The following MSL1 variants were observed in gnomAD, a reference collection of about 807,000 sequenced individuals.
MSL1 encodes MSL complex subunit 1.
Under a neutral mutation model 64.6 loss-of-function variants are expected in MSL1, and 21 were observed. The ratio of observed to expected loss-of-function variants is 0.33; its 90% CI spans 0.23 to 0.47. MSL1 has a LOEUF of 0.47. Ranked by LOEUF, MSL1 falls within the 20% of genes least tolerant of loss-of-function variation. The pLI is 1.00. For missense variants in MSL1, 664 were observed against 793.2 expected (o/e 0.84, Z 1.96); for synonymous variants, 339 against 329.6 (o/e 1.03, Z -0.31).
Position 40,134,415 on chromosome 17 carries a change from TCCC to T in MSL1, c.*47_*49del. ...TCTTCAGATAGTTGTAGCATGCCAT[TCCC>T]GAGAGTGGCAGAGACCTGTATATGT... On this transcript the variant is annotated 3_prime_UTR_variant, in exon 9 of 9. Coordinates refer to ENST00000398532, the MANE Select transcript of MSL1 (RefSeq NM_001365919.1). 2 of 1,494,148 alleles carry T rather than the reference TCCC, an allele frequency of 1.3e-6. No homozygotes were observed. The highest frequency in any genetic ancestry group is 1.8e-6 in the Non-Finnish European group (2 of 1,094,392). 92.6% of individuals were successfully genotyped at this position (1,494,148 alleles called of 1,614,324 possible).
Position 40,129,238 on chromosome 17 carries a change from C to CT in MSL1, c.993-6dup. 6.5e-7 allele frequency: 1 copy of CT among 1,534,446 alleles called. No individual in the cohort carries two copies. Among genetic ancestry groups the CT allele is most frequent in the Non-Finnish European group, 8.7e-7 (1 of 1,145,218 alleles). Reference sequence around the variant, plus strand: ...AATTTTATAATGTTTTCTTCCCTATCTAATAGGAAATCCCCATTTGGAAGT... The same window carrying CT: ...AATTTTATAATGTTTTCTTCCCTATCTTAATAGGAAATCCCCATTTGGAAGT... On this transcript the variant is annotated splice_polypyrimidine_tract_variant and splice_region_variant and intron_variant, in intron 2 of 8. Coordinates refer to ENST00000398532, the MANE Select transcript of MSL1 (RefSeq NM_001365919.1).
In MSL1 at chr17:40,122,531, C is replaced by T. The variant is rs892853453; in HGVS notation, c.-82C>T. 64 of 875,064 alleles carry T rather than the reference C, an allele frequency of 7.3e-5. 1 individual carries two copies. The highest frequency in any genetic ancestry group is 2.1e-4 in the Admixed American group (5 of 23,598). The allele number at this position is 875,064 out of a possible 1,614,324, so 54.2% of individuals were successfully genotyped here. A position where few individuals can be genotyped will look rare whatever the true frequency, so the allele number is the denominator to read the frequency against. Reference sequence around the variant, plus strand: ...GCGAGCCCGCCAAACTCCCCTCCCCCCCCTCAGTCCTCGACCCCCCGCACC... The same window carrying T: ...GCGAGCCCGCCAAACTCCCCTCCCCTCCCTCAGTCCTCGACCCCCCGCACC... On this transcript the variant is annotated 5_prime_UTR_variant, in exon 1 of 9. Coordinates refer to ENST00000398532, the MANE Select transcript of MSL1 (RefSeq NM_001365919.1). This position sits in a 1 kb window ranked among gnomAD's most constrained non-coding sequence, Gnocchi z 4.2.
intron 7 of MSL1, 73 bp downstream of exon 7, chr17:40,133,731 G>A: frequency 1.2e-6 from 2 of 1,611,408 alleles, no homozygotes. Flanking sequence ...GGTACAACTT[G>A]CTCTGAATGA....
chr17:40,126,057 A>T, intron 1 of MSL1, 126 bp from the exon 2 acceptor site: 1 of 759,782 alleles, frequency 1.3e-6, no homozygotes, highest in Non-Finnish European at 2.2e-6. Flanking sequence ...CTGCCTATTT[A>T]AAAAGTTGAG....
In MSL1 at chr17:40,122,921, C is replaced by G. The variant is rs12773; in HGVS notation, c.309C>G (p.Pro103=). Residue 103 remains proline, a synonymous_variant, in exon 1 of 9, where the codon CCC becomes CCG. Transcript: ENST00000398532. This position sits in a 1 kb window ranked among gnomAD's most constrained non-coding sequence, Gnocchi z 4.2. ...GCTGGGGCGGTTCGGTGCCCTTGCC[C>G]TGTCCGCCCCCGGCCACCAAGCAAG... ...EESWGGSVPL[P]CPPPATKQAG... is the part of the protein sequence containing the mutation. The G allele has an allele frequency of 6.6e-7, 1 of 1,514,762 alleles. No homozygotes were observed. Among genetic ancestry groups the G allele is most frequent in the South Asian group, 1.2e-5 (1 of 82,202 alleles). The allele number at this position is 1,514,762 out of a possible 1,614,324, so 93.8% of individuals were successfully genotyped here.
At chr17:40,124,658 G>A (rs1988273842) in intron 1 of MSL1, 1 of 152,102 alleles carries the variant, frequency 6.6e-6, no homozygotes, top group African/African-American at 2.4e-5. Context: ...GGGGTGTGAT[G>A]GTACCGTAAT....
chr17:40,133,362 G>A (rs565798196), intron 6 of MSL1, 172 bp from the exon 7 acceptor site: 40 of 865,496 alleles, frequency 4.6e-5, no homozygotes, highest in South Asian at 7.4e-5. Context: ...TGATCTAAAC[G>A]GTAGACCTAA....
intron 1 of MSL1, chr17:40,124,804 A>G (rs1355850526): frequency 6.6e-6 from 1 of 152,128 alleles, no homozygotes; most frequent in Non-Finnish European, 1.5e-5. Flanking sequence ...ATGAAATGAG[A>G]GTATGGCTGA....
intron 3 of MSL1, chr17:40,129,903 T>A: frequency 7.9e-6 from 3 of 377,750 alleles, no homozygotes; most frequent in Non-Finnish European, 1.4e-5. Flanking sequence ...GGGGGTGTAA[T>A]CTCCGGCAAC....
intron 1 of MSL1, among the ~76,000 whole-genome samples, chr17:40,125,322 A>G (rs947792304): frequency 9.9e-5 from 15 of 152,216 alleles, no homozygotes; most frequent in African/African-American, 2.9e-4. Context: ...ACTGATTTCT[A>G]TTTTCCAAAT....
Position 40,132,103 on chromosome 17 carries a change from GT to G in MSL1, c.1488+6del. Reference sequence around the variant, plus strand: ...AATCCTTCAGACCTTTTGGAGGTAGGTAACCAAGAGCACTCAATTGAAGAGA... The same window carrying G: ...AATCCTTCAGACCTTTTGGAGGTAGGAACCAAGAGCACTCAATTGAAGAGA... On this transcript the variant is annotated splice_donor_region_variant and intron_variant, in intron 5 of 8. Coordinates refer to ENST00000398532, the MANE Select transcript of MSL1 (RefSeq NM_001365919.1). 6.3e-7 allele frequency: 1 copy of G among 1,591,768 alleles called. No homozygotes were observed. The highest frequency in any genetic ancestry group is 8.6e-7 in the Non-Finnish European group (1 of 1,165,398).
chr17:40,124,455 G>C (rs1214410435), intron 1 of MSL1: 1 of 151,826 alleles, frequency 6.6e-6, no homozygotes, highest in African/African-American at 2.4e-5. Context: ...GCTAAGAGCT[G>C]AGCAAGGGAG....
At position 40,131,780 on chromosome 17, in the gene MSL1, A is replaced by G. The variant is rs888650526; in HGVS notation, c.1423+196A>G. Reference sequence around the variant, plus strand: ...TCAGGAACTGCTATAGCATCATTATATGAATTGTCAGGTATTGGTTTAGGG... The same window carrying G: ...TCAGGAACTGCTATAGCATCATTATGTGAATTGTCAGGTATTGGTTTAGGG... On this transcript the variant is annotated intron_variant, in intron 4 of 8. Coordinates refer to ENST00000398532, the MANE Select transcript of MSL1 (RefSeq NM_001365919.1). The surrounding 1 kb of genome is among the most constrained non-coding windows in gnomAD (Gnocchi z 4.5). The G allele has an allele frequency of 3.1e-6, 2 of 640,674 alleles. No individual in the cohort carries two copies. The highest frequency in any genetic ancestry group is 3.7e-5 in the African/African-American group (2 of 54,770). 39.7% of individuals were successfully genotyped at this position (640,674 alleles called of 1,614,324 possible).
chr17:40,134,680 G>GT lies in MSL1; in HGVS notation c.*311_*312insT. The GT allele has an allele frequency of 3.2e-6, 1 of 310,522 alleles. No homozygotes were observed. The allele number at this position is 310,522 out of a possible 1,614,324, so 19.2% of individuals were successfully genotyped here. ...TCTATACATTTGCCTATGTTAAAGG[G>GT]GTAAAAGGGCTCTCTTCATTAGACA... On this transcript the variant is annotated 3_prime_UTR_variant, in exon 9 of 9. Coordinates refer to ENST00000398532, the MANE Select transcript of MSL1 (RefSeq NM_001365919.1).
In MSL1 at chr17:40,129,562, A is replaced by C; in HGVS notation, c.1310A>C (p.His437Pro). The C allele has an allele frequency of 1.2e-6, 2 of 1,613,726 alleles. No individual in the cohort carries two copies. Among genetic ancestry groups the C allele is most frequent in the Non-Finnish European group, 1.7e-6 (2 of 1,179,830 alleles). The change falls in exon 3 of 9, where the codon CAC (histidine) becomes CCC (proline). Residue 437 changes from histidine (H) to proline (P), a missense_variant. Transcript: ENST00000398532. ...ACAGAAATGTATTTGTGTCGTTGGC[A>C]CCAGCCTCCCCCATCACCGTTACCA... Reference protein sequence around the residue: ...STTEMYLCRWHQPPPSPLPLR... With the variant: ...STTEMYLCRWPQPPPSPLPLR...
intron 6 of MSL1, chr17:40,133,324 A>G (rs1988478271): frequency 1.5e-5 from 11 of 753,654 alleles, no homozygotes; most frequent in Admixed American, 5.9e-5. Context: ...ACCTTCCTCA[A>G]TTCTACTTTC....
intron 1 of MSL1, among the ~76,000 whole-genome samples, chr17:40,125,786 C>T (rs554553413): frequency 5.1e-4 from 78 of 152,194 alleles, no homozygotes; most frequent in African/African-American, 1.8e-3. Flanking sequence ...CGTCTCAAAA[C>T]AAAAACAAAA....
Position 40,122,947 on chromosome 17 carries a change from C to T in MSL1, c.335C>T (p.Ala112Val), listed in dbSNP as rs1445186316. The change falls in exon 1 of 9, where the codon GCC becomes GTC. Residue 112 changes from alanine to valine, a missense_variant. By Grantham distance (64) the Ala-to-Val change is moderately conservative (BLOSUM62 0). Around this residue, in one of 4 missense-constraint regions of MSL1, gnomAD observed 466 missense variants for 499.0 expected, o/e 0.93. Coordinates refer to ENST00000398532, the MANE Select transcript of MSL1 (RefSeq NM_001365919.1). The surrounding 1 kb of genome is among the most constrained non-coding windows in gnomAD (Gnocchi z 4.2). ...LPCPPPATKQ[A>V]GIGGEPAAAG... Reference sequence around the variant, plus strand: ...TGTCCGCCCCCGGCCACCAAGCAAGCCGGCATTGGGGGGGAGCCTGCCGCA... The same window carrying T: ...TGTCCGCCCCCGGCCACCAAGCAAGTCGGCATTGGGGGGGAGCCTGCCGCA... The T allele has an allele frequency of 2.6e-6, 4 of 1,523,194 alleles. No individual in the cohort carries two copies. The highest frequency in any genetic ancestry group is 3.5e-6 in the Non-Finnish European group (4 of 1,142,168). 94.4% of individuals were successfully genotyped at this position (1,523,194 alleles called of 1,614,324 possible).
At position 40,123,070 on chromosome 17, in the gene MSL1, C is replaced by G; in HGVS notation, c.458C>G (p.Ala153Gly). 1 of 1,532,028 alleles carries G rather than the reference C, an allele frequency of 6.5e-7. No individual in the cohort carries two copies. Among genetic ancestry groups the G allele is most frequent in the Non-Finnish European group, 8.7e-7 (1 of 1,145,296 alleles). The allele number at this position is 1,532,028 out of a possible 1,614,324, so 94.9% of individuals were successfully genotyped here. A position where few individuals can be genotyped will look rare whatever the true frequency, so the allele number is the denominator to read the frequency against. The part of the protein sequence containing the change: ...VAAAKEPTPW[A>G]GDKGGAASPA... ...GCGGCCAAAGAGCCTACGCCCTGGG[C>G]TGGGGACAAGGGTGGGGCGGCCTCC... is the stretch of plus-strand genomic sequence containing the variant. The change falls in exon 1 of 9, where the codon GCT (alanine) becomes GGT (glycine). Residue 153 changes from alanine to glycine, a missense_variant. Around this residue, in one of 4 missense-constraint regions of MSL1, gnomAD observed 466 missense variants for 499.0 expected, o/e 0.93. Transcript: ENST00000398532.
Sources: allele counts gnomAD v4.1 joint callset (sites outside exome capture counted in the v4.1 genomes callset), GRCh38; gene constraint gnomAD v4.1.1; regional missense constraint gnomAD v4.1.1; non-coding constraint Gnocchi (gnomAD v3.1); transcripts MANE v1.5; gene names NCBI Gene and HGNC (gene_info 2026-07-23, HGNC 2026-07-21).